Variants in SLC26A7 observed in about 807,000 individuals in gnomAD.
SLC26A7 encodes the protein anion exchange transporter.
A neutral mutation model predicts 82.5 loss-of-function variants in SLC26A7; 59 were observed. That is an observed-to-expected ratio of 0.72 (90% CI 0.58 to 0.89). The LOEUF (loss-of-function observed/expected upper bound fraction) is 0.89, where lower values mean the gene tolerates loss of function less well. SLC26A7 is among the 40% of genes least tolerant of loss of function. The pLI is 0.00. For synonymous variants in SLC26A7, 271 were observed against 274.3 expected (o/e 0.99, Z 0.12); for missense variants, 820 against 793.0 (o/e 1.03, Z -0.41).
chr8:91,234,231 C>T (rs1220032181), intron 2 of SLC26A7, among the ~76,000 whole-genome samples: 4 of 152,068 alleles, frequency 2.6e-5, no homozygotes, highest in Non-Finnish European at 4.4e-5. Flanking sequence ...TTGGAGCTCA[C>T]GAGTTCTATA....
At chr8:91,322,317 C>T (rs1812814622) in intron 5 of SLC26A7, among the ~76,000 whole-genome samples, 1 of 152,076 alleles carries the variant, frequency 6.6e-6, no homozygotes, top group African/African-American at 2.4e-5. Context: ...CAGTTATAAA[C>T]CCATTTAATA....
At chr8:91,359,912 A>G (rs1022288007) in intron 11 of SLC26A7, among the ~76,000 whole-genome samples, 1 of 149,550 alleles carries the variant, frequency 6.7e-6, no homozygotes, top group African/African-American at 2.5e-5. Flanking sequence ...GTGTGTGTAA[A>G]CTAATTTGAA....
chr8:91,353,573 A>T (rs755380095), intron 11 of SLC26A7, among the ~76,000 whole-genome samples: 3 of 152,148 alleles, frequency 2.0e-5, no homozygotes, highest in Non-Finnish European at 4.4e-5. Flanking sequence ...AGAGAAACCT[A>T]TCTATGCAAG....
At chr8:91,254,709 AAGAT>A (rs1446473784) in intron 2 of SLC26A7, among the ~76,000 whole-genome samples, 1 of 152,178 alleles carries the variant, frequency 6.6e-6, no homozygotes, top group Non-Finnish European at 1.5e-5. Flanking sequence ...CAAAGAAAGA[AAGAT>A]AAAAGAAACT....
chr8:91,316,637 A>G (rs1307081660), intron 4 of SLC26A7, among the ~76,000 whole-genome samples: 1 of 151,610 alleles, frequency 6.6e-6, no homozygotes, highest in Non-Finnish European at 1.5e-5. Context: ...ACTTGGTGTA[A>G]ATATTATAAT....
intron 1 of SLC26A7, among the ~76,000 whole-genome samples, chr8:91,211,547 C>T (rs1401132877): frequency 3.4e-5 from 5 of 147,364 alleles, no homozygotes; most frequent in African/African-American, 9.9e-5. Context: ...TAAGGAATTG[C>T]TTTTATATAT....
chr8:91,338,824 AAGG>A (rs1304639263), intron 7 of SLC26A7, among the ~76,000 whole-genome samples: 1 of 152,146 alleles, frequency 6.6e-6, no homozygotes, highest in African/African-American at 2.4e-5. Flanking sequence ...TATATGAGGG[AAGG>A]AGGACAGTGT....
intron 2 of SLC26A7, among the ~76,000 whole-genome samples, chr8:91,234,822 TACC>T (rs879454529): frequency 0.034 from 4,471 of 130,650 alleles, 76 homozygotes; most frequent in Middle Eastern, 0.13. Context: ...CCTACCTACC[TACC>T]TACTTCCTTC....
chr8:91,300,450 T>G (rs906451851), intron 4 of SLC26A7, among the ~76,000 whole-genome samples: 2 of 151,458 alleles, frequency 1.3e-5, no homozygotes, highest in Non-Finnish European at 2.9e-5. Context: ...CAGGCTGGAG[T>G]GCAGGGGCGC....
chr8:91,363,858 A>C (rs1490339384), intron 13 of SLC26A7, among the ~76,000 whole-genome samples: 1 of 152,120 alleles, frequency 6.6e-6, no homozygotes, highest in East Asian at 1.9e-4. Context: ...TAATCAAACT[A>C]AACTGATAGT....
intron 2 of SLC26A7, among the ~76,000 whole-genome samples, chr8:91,281,279 C>T (rs1811565251): frequency 6.6e-6 from 1 of 152,122 alleles, no homozygotes; most frequent in Non-Finnish European, 1.5e-5. Flanking sequence ...CGTGTGTAAC[C>T]ACATATAATG....
chr8:91,370,670 T>G (rs1814332333), intron 15 of SLC26A7, among the ~76,000 whole-genome samples: 1 of 152,000 alleles, frequency 6.6e-6, no homozygotes, highest in Non-Finnish European at 1.5e-5. Flanking sequence ...GTTGTCTCAG[T>G]ATAGAGAAAA....
intron 11 of SLC26A7, among the ~76,000 whole-genome samples, chr8:91,356,490 C>T (rs796349249): frequency 1.3e-5 from 2 of 152,098 alleles, no homozygotes; most frequent in African/African-American, 2.4e-5. Context: ...TGATGATGAG[C>T]ATTTTTTCAT....
chr8:91,333,925 G>A (rs999627453), intron 5 of SLC26A7, among the ~76,000 whole-genome samples: 1 of 152,088 alleles, frequency 6.6e-6, no homozygotes, highest in Admixed American at 6.6e-5. Context: ...TTTGAGGAGG[G>A]CCCCAAAGTT....
chr8:91,363,218 A>T (rs1814098298), intron 12 of SLC26A7, among the ~76,000 whole-genome samples: 1 of 152,002 alleles, frequency 6.6e-6, no homozygotes. Flanking sequence ...CTCTTTTAAA[A>T]TTCTTCTTTA....
At position 91,362,409 on chromosome 8, in the gene SLC26A7, G is replaced by A. The variant is rs1415924787; in HGVS notation, c.1371G>A (p.Leu457=). The A allele has an allele frequency of 1.9e-6, 3 of 1,613,344 alleles. No individual in the cohort carries two copies. The South Asian group carries it at 3.3e-5, about 18-fold the overall frequency. ...FTICFAANVG[L]LFGVVCTIAI... ...TATGCTTTGCTGCCAATGTGGGACT[G>A]CTGTTTGGTGTTGTTTGTACCATAG... The change falls in exon 12 of 19, where the codon CTG becomes CTA. Residue 457 remains leucine, a synonymous_variant. Coordinates refer to ENST00000276609, the MANE Select transcript of SLC26A7 (RefSeq NM_052832.4).
chr8:91,386,921 A>T lies in SLC26A7; in HGVS notation c.1676-2417A>T, dbSNP rs530340340. Among the ~76,000 whole-genome samples the T allele has an allele frequency of 1.0e-3, 152 of 152,314 alleles. 1 individual carries two copies. The highest frequency in any genetic ancestry group is 3.5e-3 in the African/African-American group (146 of 41,582). On this transcript the variant is annotated intron_variant, in intron 15 of 18. Transcript: ENST00000276609. ...AAAAGTCAGTGTAAGAAATCTTCAA[A>T]TATTAAGCTCCAATATACATTGTAA...
intron 2 of SLC26A7, among the ~76,000 whole-genome samples, chr8:91,241,340 C>G (rs1263034403): frequency 6.6e-6 from 1 of 151,904 alleles, no homozygotes; most frequent in Non-Finnish European, 1.5e-5. Flanking sequence ...GCTGAACAAA[C>G]TATACCAAAA....
intron 8 of SLC26A7, among the ~76,000 whole-genome samples, chr8:91,342,733 A>G (rs1198120693): frequency 1.3e-5 from 2 of 152,240 alleles, no homozygotes; most frequent in East Asian, 3.9e-4. Flanking sequence ...ACAGTCTGAC[A>G]TTCAGAAGAA....
Sources: allele counts gnomAD v4.1 joint callset (sites outside exome capture counted in the v4.1 genomes callset), GRCh38; gene constraint gnomAD v4.1.1; transcripts MANE v1.5; gene names NCBI Gene and HGNC (gene_info 2026-07-23, HGNC 2026-07-21).